TASP1: variants seen among roughly 807,000 people sequenced by gnomAD.
TASP1 encodes threonine aspartase 1.
Under a neutral mutation model 56.6 loss-of-function variants are expected in TASP1, and 16 were observed. That is an observed-to-expected ratio of 0.28 (90% CI 0.19 to 0.43). The LOEUF is 0.43. Ranked by LOEUF, TASP1 falls within the 20% of genes least tolerant of loss-of-function variation. The pLI is 1.00. For missense variants in TASP1, 393 were observed against 511.6 expected, an observed-to-expected ratio of 0.77 and a Z score of 2.24; for synonymous variants, 179 against 184.2, an observed-to-expected ratio of 0.97 and a Z score of 0.23.
the TASP1 span, among the ~76,000 whole-genome samples, chr20:13,182,958 A>G: frequency 1.8e-4 from 28 of 152,322 alleles, no homozygotes; most frequent in Admixed American, 5.2e-4. Context: ...AATCTCCACG[A>G]TCCCTGTATC....
At chr20:13,302,481 A>G in the TASP1 span, among the ~76,000 whole-genome samples, 2 of 152,094 alleles carry the variant, frequency 1.3e-5, no homozygotes, top group Non-Finnish European at 2.9e-5. Context: ...AGACTAGGAG[A>G]CCCTTATCTC....
intron 12 of TASP1, among the ~76,000 whole-genome samples, chr20:13,425,761 T>C (rs574967978): frequency 6.6e-6 from 1 of 152,284 alleles, no homozygotes; most frequent in Admixed American, 6.5e-5. Flanking sequence ...CTCTTATCAC[T>C]GTAGATTTTT....
chr20:13,579,343 T>A (rs2047035271), intron 6 of TASP1, among the ~76,000 whole-genome samples: 1 of 152,150 alleles, frequency 6.6e-6, no homozygotes, highest in Non-Finnish European at 1.5e-5. Flanking sequence ...ATGGGTTTAA[T>A]ATAAATCATT....
At chr20:13,466,055 A>T (rs998578007) in intron 11 of TASP1, among the ~76,000 whole-genome samples, 6 of 152,188 alleles carry the variant, frequency 3.9e-5, no homozygotes. Flanking sequence ...TATCAATATC[A>T]TATAGCCTAG....
chr20:13,227,959 CTTTTTTTT>C, the TASP1 span, among the ~76,000 whole-genome samples: 2 of 129,018 alleles, frequency 1.6e-5, no homozygotes, highest in African/African-American at 2.9e-5. Flanking sequence ...CTGCTGCTGC[CTTTTTTTT>C]TTTTTTTTTC....
intron 2 of TASP1, among the ~76,000 whole-genome samples, chr20:13,628,458 TTC>T (rs2048975103): frequency 6.6e-6 from 1 of 152,162 alleles, no homozygotes; most frequent in African/African-American, 2.4e-5. Context: ...ACTGGATTAT[TTC>T]TGTAAATTTA....
At chr20:13,298,745 G>C in the TASP1 span, among the ~76,000 whole-genome samples, 4 of 152,136 alleles carry the variant, frequency 2.6e-5, no homozygotes, top group Admixed American at 1.3e-4. Flanking sequence ...CGTGAGAACG[G>C]CCATCCACTT....
At chr20:13,498,634 A>G (rs764902660) in intron 10 of TASP1, among the ~76,000 whole-genome samples, 8 of 151,956 alleles carry the variant, frequency 5.3e-5, no homozygotes, top group Admixed American at 1.3e-4. Flanking sequence ...GTGGGCCACC[A>G]TGCCCAGCCT....
At chr20:13,168,569 T>C in the TASP1 span, 1 of 152,312 alleles carries the variant, frequency 6.6e-6, no homozygotes, top group African/African-American at 2.4e-5. Flanking sequence ...ACAACAGCTC[T>C]TCAGTAGGGT....
At chr20:13,350,165 A>G in the TASP1 span, among the ~76,000 whole-genome samples, 11 of 152,158 alleles carry the variant, frequency 7.2e-5, no homozygotes, top group Non-Finnish European at 1.3e-4. Flanking sequence ...AACAAGATGT[A>G]ATTATGTATA....
At chr20:13,394,686 T>C (rs1262922726) in intron 13 of TASP1, among the ~76,000 whole-genome samples, 1 of 152,058 alleles carries the variant, frequency 6.6e-6, no homozygotes, top group East Asian at 1.9e-4. Flanking sequence ...TTGATGGCAC[T>C]GTTAGAATAG....
At chr20:13,327,906 C>A in the TASP1 span, among the ~76,000 whole-genome samples, 1 of 152,140 alleles carries the variant, frequency 6.6e-6, no homozygotes, top group South Asian at 2.1e-4. Context: ...GCATAGATTT[C>A]ATGATGAAAA....
intron 12 of TASP1, among the ~76,000 whole-genome samples, chr20:13,420,788 T>A (rs1356698332): frequency 6.6e-6 from 1 of 152,054 alleles, no homozygotes; most frequent in East Asian, 1.9e-4. Context: ...AGCAGTACGG[T>A]TTAAGTCATT....
At chr20:13,131,415 G>T in the TASP1 span, among the ~76,000 whole-genome samples, 2 of 152,130 alleles carry the variant, frequency 1.3e-5, no homozygotes, top group Admixed American at 6.6e-5. Flanking sequence ...CAAATTAAAG[G>T]TTGTCAGAAG....
At chr20:13,508,833 A>C (rs1055340209) in intron 10 of TASP1, among the ~76,000 whole-genome samples, 2 of 152,154 alleles carry the variant, frequency 1.3e-5, no homozygotes, top group African/African-American at 4.8e-5. Context: ...AACATCAAAA[A>C]ATAAAAAGTG....
chr20:13,368,619 G>C, the TASP1 span: 7 of 152,238 alleles, frequency 4.6e-5, no homozygotes, highest in African/African-American at 1.7e-4. Flanking sequence ...CACAGATGCA[G>C]ATAGTGGTGG....
At chr20:13,444,946 T>C (rs1158102330) in intron 11 of TASP1, among the ~76,000 whole-genome samples, 1 of 152,184 alleles carries the variant, frequency 6.6e-6, no homozygotes, top group Non-Finnish European at 1.5e-5. Context: ...TGTGCCATTT[T>C]CTGGTGATAA....
At chr20:13,569,638 T>C in intron 6 of TASP1, 52 bp from the exon 7 acceptor site, 1 of 1,474,638 alleles carries the variant, frequency 6.8e-7, no homozygotes, top group Non-Finnish European at 9.4e-7. Flanking sequence ...TTCTCCTACA[T>C]ATTCAATAAA....
In TASP1 at chr20:13,489,847, T is replaced by C. The variant is rs3789346; in HGVS notation, c.875-6510A>G. Among the ~76,000 whole-genome samples the C allele has an allele frequency of 1.7e-4, 26 of 152,334 alleles. 2 individuals are homozygous for C. The East Asian group carries it at 5.0e-3, about 29-fold the overall frequency. ...CACTGTTGTACAACCATCAGCACCA[T>C]CTAGCTCCAGAACTTTTTCATATTC... is the stretch of plus-strand genomic sequence containing the variant. On this transcript the variant is annotated intron_variant, in intron 10 of 13. Coordinates refer to ENST00000337743, the MANE Select transcript of TASP1 (RefSeq NM_017714.3).
Sources: gnomAD v4.1 joint callset for allele counts (sites outside exome capture counted in the v4.1 genomes callset) on GRCh38, gnomAD v4.1.1 for gene constraint, MANE v1.5 for transcripts, NCBI Gene and HGNC (gene_info 2026-07-23, HGNC 2026-07-21) for gene names.